Variants in LGSN observed in about 807,000 individuals in gnomAD.
LGSN encodes lengsin.
A neutral mutation model predicts 19.5 loss-of-function variants in LGSN; 21 were observed. The ratio of observed to expected loss-of-function variants is 1.07; its 90% CI spans 0.76 to 1.55. The LOEUF is 1.55. Ranked by LOEUF, LGSN falls within the 40% of genes most tolerant of loss-of-function variation. The pLI is 0.00. For missense variants in LGSN, 673 were observed against 608.5 expected (o/e 1.11, Z -1.12); for synonymous variants, 257 against 215.6 (o/e 1.19, Z -1.68).
intron 2 of LGSN, among the ~76,000 whole-genome samples, chr6:63,289,294 A>C (rs1301344629): frequency 1.3e-5 from 2 of 152,214 alleles, no homozygotes; most frequent in African/African-American, 2.4e-5. Context: ...TTAAAAGTTC[A>C]ATTCTTTCAC....
At chr6:63,570,379 CTTA>C in the LGSN span, among the ~76,000 whole-genome samples, 1 of 152,156 alleles carries the variant, frequency 6.6e-6, no homozygotes, top group Non-Finnish European at 1.5e-5. Flanking sequence ...CAGCAAAAGC[CTTA>C]TTTTTTCATC....
At chr6:63,361,732 C>T in the LGSN span, among the ~76,000 whole-genome samples, 1 of 152,250 alleles carries the variant, frequency 6.6e-6, no homozygotes, top group Admixed American at 6.5e-5. Flanking sequence ...AGAAATCATT[C>T]AACTCCTTCG....
the LGSN span, among the ~76,000 whole-genome samples, chr6:63,475,040 G>A: frequency 6.6e-6 from 1 of 151,936 alleles, no homozygotes; most frequent in Non-Finnish European, 1.5e-5. Context: ...CATTGTAGAC[G>A]TTCAACTAAA....
At position 63,319,724 on chromosome 6, in the gene LGSN, G is replaced by A. The variant is rs114226697; in HGVS notation, c.30+190C>T. Among the ~76,000 whole-genome samples the A allele has an allele frequency of 2.9e-3, 446 of 152,170 alleles. 2 individuals are homozygous for A. The highest frequency in any genetic ancestry group is 0.01 in the African/African-American group (422 of 41,518). ...CTAGATGAATATTTTGAATTGTTTA[G>A]TTTTTATTATCTTTATAAATTCACT... On this transcript the variant is annotated intron_variant, in intron 1 of 3. Coordinates refer to ENST00000370657, the MANE Select transcript of LGSN (RefSeq NM_016571.3).
At chr6:63,381,037 A>T in the LGSN span, among the ~76,000 whole-genome samples, 1 of 152,110 alleles carries the variant, frequency 6.6e-6, no homozygotes, top group Non-Finnish European at 1.5e-5. Flanking sequence ...TCTCTAAAAA[A>T]CAAAATACAC....
At chr6:63,482,742 C>A in the LGSN span, among the ~76,000 whole-genome samples, 2 of 152,128 alleles carry the variant, frequency 1.3e-5, no homozygotes, top group South Asian at 2.1e-4. Flanking sequence ...ACTATGTCAC[C>A]CAGGCTGCAG....
At chr6:63,518,094 G>C in the LGSN span, among the ~76,000 whole-genome samples, 1 of 149,960 alleles carries the variant, frequency 6.7e-6, no homozygotes, top group Non-Finnish European at 1.5e-5. Flanking sequence ...GGAGGTTGCT[G>C]TGAGCCCAGA....
At chr6:63,443,255 C>A in the LGSN span, among the ~76,000 whole-genome samples, 1 of 152,232 alleles carries the variant, frequency 6.6e-6, no homozygotes, top group Non-Finnish European at 1.5e-5. Flanking sequence ...GCCTGCCGAG[C>A]CCGCGCCCAC....
the LGSN span, among the ~76,000 whole-genome samples, chr6:63,373,512 C>G: frequency 1.3e-5 from 2 of 152,058 alleles, no homozygotes; most frequent in Non-Finnish European, 2.9e-5. Flanking sequence ...AGAACAAACT[C>G]AAATTAAGAT....
At chr6:63,519,476 C>T in the LGSN span, among the ~76,000 whole-genome samples, 2 of 152,172 alleles carry the variant, frequency 1.3e-5, no homozygotes, top group Non-Finnish European at 2.9e-5. Context: ...TATGTCCTGT[C>T]TTACCAGGTG....
chr6:63,367,152 CA>C, the LGSN span, among the ~76,000 whole-genome samples: 387 of 152,260 alleles, frequency 2.5e-3, 4 homozygotes, highest in Admixed American at 0.018. Context: ...AGTGAACAGG[CA>C]ACCTACAGAA....
chr6:63,412,722 A>AAGGAAGGAAGGACG, the LGSN span, among the ~76,000 whole-genome samples: 51 of 38,012 alleles, frequency 1.3e-3, 3 homozygotes, highest in African/African-American at 5.1e-3. Context: ...AAGGAAGGAA[A>AAGGAAGGAAGGACG]GAAAGAAAGA....
At chr6:63,555,167 A>G in the LGSN span, among the ~76,000 whole-genome samples, 7 of 152,308 alleles carry the variant, frequency 4.6e-5, no homozygotes, top group East Asian at 1.4e-3. Context: ...TTCTTCTTCA[A>G]AGAAGATCTA....
At chr6:63,481,929 T>C in the LGSN span, 50 of 172,788 alleles carry the variant, frequency 2.9e-4, no homozygotes, top group African/African-American at 1.1e-3. Flanking sequence ...AAAGATTAAT[T>C]AGTTAATTTA....
the LGSN span, among the ~76,000 whole-genome samples, chr6:63,431,943 G>A: frequency 5.9e-5 from 9 of 151,724 alleles, no homozygotes; most frequent in Non-Finnish European, 8.8e-5. Flanking sequence ...GGGCGTGGTG[G>A]TGGGCACCTA....
chr6:63,393,325 T>G, the LGSN span, among the ~76,000 whole-genome samples: 37 of 151,938 alleles, frequency 2.4e-4, no homozygotes, highest in African/African-American at 8.7e-4. Flanking sequence ...TACAGGTGTG[T>G]GCCACAAAGC....
the LGSN span, among the ~76,000 whole-genome samples, chr6:63,512,140 T>C: frequency 6.6e-6 from 1 of 151,840 alleles, no homozygotes; most frequent in African/African-American, 2.4e-5. Flanking sequence ...TGGAGTGCAG[T>C]GGTGTGATCT....
chr6:63,293,722 A>C (rs1355028852), intron 2 of LGSN: 5 of 456,460 alleles, frequency 1.1e-5, no homozygotes, highest in Non-Finnish European at 2.2e-5. Flanking sequence ...CTGGGGGGCA[A>C]AGGTTTTATC....
At chr6:63,558,306 A>T in the LGSN span, among the ~76,000 whole-genome samples, 2 of 152,184 alleles carry the variant, frequency 1.3e-5, no homozygotes, top group African/African-American at 4.8e-5. Flanking sequence ...GGAGAGAAAG[A>T]AGCAGGGAAG....
Sources: allele counts gnomAD v4.1 joint callset (sites outside exome capture counted in the v4.1 genomes callset), GRCh38; gene constraint gnomAD v4.1.1; transcripts MANE v1.5; gene names NCBI Gene and HGNC (gene_info 2026-07-23, HGNC 2026-07-21).